The following RANBP2 variants were observed in gnomAD, a reference collection of about 807,000 sequenced individuals.
RANBP2 encodes the protein E3 SUMO-protein ligase RanBP2.
Under a neutral mutation model 303.6 loss-of-function variants are expected in RANBP2, and 57 were observed. The observed-to-expected ratio is 0.19, with a 90% confidence interval of 0.15 to 0.23. The LOEUF is 0.23. Among genes scored for constraint, RANBP2 ranks in the 10% least tolerant of loss-of-function variants. The pLI is 1.00. For missense variants in RANBP2, 3,138 were observed against 3,780.8 expected, an observed-to-expected ratio of 0.83 and a Z score of 4.46; for synonymous variants, 1,167 against 1,301.5, an observed-to-expected ratio of 0.90 and a Z score of 2.23.
the RANBP2 span, among the ~76,000 whole-genome samples, chr2:108,843,880 T>TGTGTGTGTGTTTGTG: frequency 1.1e-5 from 1 of 94,134 alleles, no homozygotes; most frequent in African/African-American, 5.5e-5. Context: ...GTGTGTGTGT[T>TGTGTGTGTGTTTGTG]TCTTTCTTTT....
At chr2:109,034,650 C>T in the RANBP2 span, among the ~76,000 whole-genome samples, 1 of 152,220 alleles carries the variant, frequency 6.6e-6, no homozygotes, top group African/African-American at 2.4e-5. Context: ...GGTGCCCCAT[C>T]TTCATCATCC....
the RANBP2 span, among the ~76,000 whole-genome samples, chr2:109,027,552 C>T: frequency 1.3e-5 from 2 of 152,052 alleles, no homozygotes; most frequent in South Asian, 4.1e-4. Context: ...TTTATGATAC[C>T]CTGGGCAGGG....
At chr2:109,275,682 G>A in the RANBP2 span, among the ~76,000 whole-genome samples, 1 of 152,162 alleles carries the variant, frequency 6.6e-6, no homozygotes, top group South Asian at 2.1e-4. Context: ...TGCTTGATTA[G>A]CGCGTCCTTT....
At chr2:109,146,710 G>C in the RANBP2 span, among the ~76,000 whole-genome samples, 1 of 152,082 alleles carries the variant, frequency 6.6e-6, no homozygotes, top group Non-Finnish European at 1.5e-5. Flanking sequence ...CTGGATTGGG[G>C]GGCCCCATAG....
the RANBP2 span, among the ~76,000 whole-genome samples, chr2:109,736,436 A>G: frequency 8.5e-5 from 13 of 152,190 alleles, no homozygotes; most frequent in Non-Finnish European, 1.9e-4. Context: ...GCTGGAGACC[A>G]AAGTGACAGA....
At chr2:109,702,016 A>T in the RANBP2 span, among the ~76,000 whole-genome samples, 1 of 152,176 alleles carries the variant, frequency 6.6e-6, no homozygotes. Flanking sequence ...GTTTGACCTG[A>T]GGGATCCCCA....
At chr2:109,159,411 T>C in the RANBP2 span, among the ~76,000 whole-genome samples, 1 of 152,244 alleles carries the variant, frequency 6.6e-6, no homozygotes. Flanking sequence ...GGCATGAGGC[T>C]GTTGGCATTT....
At chr2:109,370,742 C>T in the RANBP2 span, among the ~76,000 whole-genome samples, 2 of 152,166 alleles carry the variant, frequency 1.3e-5, no homozygotes, top group Non-Finnish European at 2.9e-5. Flanking sequence ...GTCTCAACCC[C>T]CCCGAAAGCC....
the RANBP2 span, among the ~76,000 whole-genome samples, chr2:109,093,275 T>G: frequency 1.3e-5 from 2 of 152,228 alleles, no homozygotes; most frequent in African/African-American, 4.8e-5. Context: ...CTGGAGTGAA[T>G]ACTTTCTGGT....
chr2:109,683,100 A>AG, the RANBP2 span, among the ~76,000 whole-genome samples: 1 of 151,890 alleles, frequency 6.6e-6, no homozygotes, highest in African/African-American at 2.4e-5. Flanking sequence ...CTGCCTCCTG[A>AG]GTTCAAGAAA....
chr2:109,331,926 C>T, the RANBP2 span, among the ~76,000 whole-genome samples: 1 of 152,208 alleles, frequency 6.6e-6, no homozygotes, highest in Non-Finnish European at 1.5e-5. Flanking sequence ...GGTTTGCCTG[C>T]ACCCTCAGCA....
chr2:108,821,005 C>T, the RANBP2 span, among the ~76,000 whole-genome samples: 1 of 87,108 alleles, frequency 1.1e-5, no homozygotes, highest in African/African-American at 3.8e-5. Context: ...TAGAATGTAA[C>T]AGACAAAAGT....
the RANBP2 span, among the ~76,000 whole-genome samples, chr2:108,933,184 C>T: frequency 6.6e-6 from 1 of 152,208 alleles, no homozygotes; most frequent in Non-Finnish European, 1.5e-5. Context: ...TTTCTAAATG[C>T]ATGAAAGCAG....
the RANBP2 span, among the ~76,000 whole-genome samples, chr2:109,149,977 C>T: frequency 1.3e-5 from 2 of 152,108 alleles, no homozygotes; most frequent in African/African-American, 2.4e-5. Flanking sequence ...GTTGAAGTCC[C>T]CTGGGGAACC....
At position 108,763,741 on chromosome 2, in the gene RANBP2, G is replaced by A. The variant is rs764449148; in HGVS notation, c.3202G>A (p.Gly1068Ser). The A allele has an allele frequency of 1.2e-6, 2 of 1,613,906 alleles. No individual in the cohort carries two copies. The highest frequency in any genetic ancestry group is 8.5e-7 in the Non-Finnish European group (1 of 1,179,980). Reference protein sequence around the residue: ...AAYSNSESLLGLLTSDKPLQG... With the variant: ...AAYSNSESLLSLLTSDKPLQG... ...TTACAGTAACAGTGAAAGCCTTTTA[G>A]GTCTCCTGACTTCAGATAAACCCTT... The change falls in exon 20 of 29, where the codon GGT becomes AGT. Residue 1068 changes from glycine to serine, a missense_variant. Gly to Ser is a moderately conservative substitution (Grantham distance 56). Coordinates refer to ENST00000283195, the MANE Select transcript of RANBP2 (RefSeq NM_006267.5).
the RANBP2 span, among the ~76,000 whole-genome samples, chr2:109,750,730 T>TAAA: frequency 1.2e-5 from 1 of 82,938 alleles, no homozygotes; most frequent in Non-Finnish European, 2.6e-5. Context: ...ATAATAATAA[T>TAAA]TTTTTTTTTT....
the RANBP2 span, chr2:108,896,655 A>G: frequency 3.9e-6 from 2 of 519,362 alleles, no homozygotes; most frequent in Non-Finnish European, 6.9e-6. Context: ...GGCTGGCTGT[A>G]TGAGTGAGTA....
At chr2:108,791,392 C>T in the RANBP2 span, among the ~76,000 whole-genome samples, 1 of 151,982 alleles carries the variant, frequency 6.6e-6, no homozygotes, top group South Asian at 2.1e-4. Context: ...TATTGGGAGT[C>T]AAAATAAAGT....
At chr2:109,721,322 C>T in the RANBP2 span, among the ~76,000 whole-genome samples, 1 of 152,188 alleles carries the variant, frequency 6.6e-6, no homozygotes, top group Admixed American at 6.5e-5. Context: ...ACCAGAAATT[C>T]CACACTGCGC....
Sources: gnomAD v4.1 joint callset for allele counts (sites outside exome capture counted in the v4.1 genomes callset) on GRCh38, gnomAD v4.1.1 for gene constraint, MANE v1.5 for transcripts, NCBI Gene and HGNC (gene_info 2026-07-23, HGNC 2026-07-21) for gene names.